Variants in NELL1 observed in about 807,000 individuals in gnomAD.
NELL1 encodes the protein protein kinase C-binding protein NELL1.
In NELL1, 76 loss-of-function variants were observed where a neutral mutation model predicts 107.4. That is an observed-to-expected ratio of 0.71 (90% CI 0.59 to 0.86). The LOEUF (loss-of-function observed/expected upper bound fraction) is 0.86, where lower values mean the gene tolerates loss of function less well. NELL1 is among the 40% of genes least tolerant of loss of function. NELL1 has a pLI of 0.00. For missense variants in NELL1, 1,024 were observed against 1,005.5 expected (o/e 1.02, Z -0.25); for synonymous variants, 353 against 341.2 (o/e 1.03, Z -0.38).
rs370981689 is a variant in NELL1 at position 21,456,695 on chromosome 11, C to G, written c.1646-77679C>G. The stretch of plus-strand genomic sequence containing the variant: ...CTTTAAAGAACTTGTCCTCAAGGAG[C>G]CAGCCTACTATACAGATTAAAAAAT... On this transcript the variant is annotated intron_variant, in intron 15 of 19. Transcript: ENST00000357134. Among the ~76,000 whole-genome samples, 32 of 152,082 alleles carry G rather than the reference C, an allele frequency of 2.1e-4. No individual in the cohort carries two copies. In the East Asian group the frequency reaches 3.7e-3, roughly 17 times the overall value.
At chr11:20,753,376 T>G (rs1856187444) in intron 2 of NELL1, among the ~76,000 whole-genome samples, 2 of 152,236 alleles carry the variant, frequency 1.3e-5, no homozygotes, top group African/African-American at 4.8e-5. Context: ...ATGGTAACAT[T>G]AGAAATGATT....
intron 15 of NELL1, among the ~76,000 whole-genome samples, chr11:21,455,201 T>C (rs1480989419): frequency 6.6e-6 from 1 of 152,258 alleles, no homozygotes; most frequent in East Asian, 1.9e-4. Context: ...GTTTAAAATT[T>C]TCTCTCACCT....
At chr11:20,991,990 G>GA (rs769434874) in intron 12 of NELL1, among the ~76,000 whole-genome samples, 3 of 66,242 alleles carry the variant, frequency 4.5e-5, no homozygotes, top group African/African-American at 2.2e-4. Flanking sequence ...AGTGTAGCAT[G>GA]CAAAAAAAAA....
intron 5 of NELL1, among the ~76,000 whole-genome samples, chr11:20,899,944 T>C (rs1849836442): frequency 6.6e-6 from 1 of 152,154 alleles, no homozygotes; most frequent in Admixed American, 6.5e-5. Flanking sequence ...GAGTTTATGA[T>C]TGAAAGTCTA....
At chr11:20,971,454 T>C (rs1851499751) in intron 12 of NELL1, among the ~76,000 whole-genome samples, 1 of 152,182 alleles carries the variant, frequency 6.6e-6, no homozygotes, top group East Asian at 1.9e-4. Flanking sequence ...TAAACTTTTT[T>C]GGTTATTTAA....
chr11:20,924,616 T>A (rs1259621827), intron 7 of NELL1, among the ~76,000 whole-genome samples: 6 of 152,174 alleles, frequency 3.9e-5, no homozygotes, highest in Admixed American at 3.9e-4. Context: ...TTTGGGCCAT[T>A]TAGTCCTTAA....
intron 14 of NELL1, among the ~76,000 whole-genome samples, chr11:21,231,433 T>A (rs149155091): frequency 7.4e-4 from 113 of 152,294 alleles, no homozygotes; most frequent in Middle Eastern, 3.4e-3. Flanking sequence ...AGTGCTCAGC[T>A]TTTTTAAAAG....
intron 7 of NELL1, among the ~76,000 whole-genome samples, chr11:20,923,633 T>C (rs796625905): frequency 1.2e-4 from 19 of 152,298 alleles, no homozygotes; most frequent in African/African-American, 4.1e-4. Context: ...AACTGCACTG[T>C]AATCCCATTC....
intron 14 of NELL1, among the ~76,000 whole-genome samples, chr11:21,316,611 G>A (rs1293590217): frequency 6.6e-6 from 1 of 152,120 alleles, no homozygotes; most frequent in Non-Finnish European, 1.5e-5. Context: ...CTTCTGTGGT[G>A]TCCAGAGTGC....
intron 12 of NELL1, among the ~76,000 whole-genome samples, chr11:21,087,782 T>C (rs983411281): frequency 2.0e-5 from 3 of 152,176 alleles, no homozygotes; most frequent in South Asian, 4.1e-4. Flanking sequence ...GTATTAGTTA[T>C]ATAGCTGATT....
At chr11:21,510,513 AGAGCT>A (rs1175490202) in intron 15 of NELL1, among the ~76,000 whole-genome samples, 1 of 152,148 alleles carries the variant, frequency 6.6e-6, no homozygotes, top group African/African-American at 2.4e-5. Flanking sequence ...ACATTTGTTG[AGAGCT>A]GAACCTAGAT....
intron 12 of NELL1, among the ~76,000 whole-genome samples, chr11:21,026,949 G>T (rs951098085): frequency 1.3e-5 from 2 of 152,018 alleles, no homozygotes; most frequent in Non-Finnish European, 2.9e-5. Context: ...AGAAATACAG[G>T]CAATTTTAGG....
chr11:21,352,191 C>T (rs1157417058), intron 14 of NELL1, among the ~76,000 whole-genome samples: 2 of 152,090 alleles, frequency 1.3e-5, no homozygotes, highest in African/African-American at 4.8e-5. Flanking sequence ...AAATAGTAAC[C>T]CCTCTACCAA....
intron 2 of NELL1, among the ~76,000 whole-genome samples, chr11:20,773,138 C>A (rs1005446569): frequency 2.0e-5 from 3 of 152,298 alleles, no homozygotes. Flanking sequence ...TGCTCACCTG[C>A]TCAATGCTCT....
intron 18 of NELL1, among the ~76,000 whole-genome samples, chr11:21,571,295 C>T (rs528632170): frequency 1.3e-5 from 2 of 151,822 alleles, no homozygotes; most frequent in East Asian, 2.0e-4. Flanking sequence ...GTGCCATAAC[C>T]CTTAAAGATT....
chr11:21,559,285 C>T (rs1267183362), intron 16 of NELL1, among the ~76,000 whole-genome samples: 2 of 151,904 alleles, frequency 1.3e-5, no homozygotes, highest in African/African-American at 2.4e-5. Flanking sequence ...AGAAGTTACT[C>T]GGTAGTATAT....
chr11:20,705,243 C>T (rs145506793), intron 2 of NELL1, among the ~76,000 whole-genome samples: 29,555 of 152,020 alleles, frequency 0.19, 3,174 homozygotes, highest in African/African-American at 0.25. Context: ...GGATGCATCA[C>T]GCTACCTGAC....
intron 2 of NELL1, among the ~76,000 whole-genome samples, chr11:20,725,608 A>T (rs536139145): frequency 1.3e-5 from 2 of 152,196 alleles, no homozygotes; most frequent in East Asian, 3.9e-4. Context: ...CTCACTTTAT[A>T]TGTGAGGAAA....
At chr11:21,331,806 T>C (rs1850278892) in intron 14 of NELL1, among the ~76,000 whole-genome samples, 1 of 152,088 alleles carries the variant, frequency 6.6e-6, no homozygotes, top group Non-Finnish European at 1.5e-5. Flanking sequence ...TGTGGTTTAG[T>C]TTATTGCTCT....
Sources: allele counts gnomAD v4.1 joint callset (sites outside exome capture counted in the v4.1 genomes callset), GRCh38; gene constraint gnomAD v4.1.1; transcripts MANE v1.5; gene names NCBI Gene and HGNC (gene_info 2026-07-23, HGNC 2026-07-21).